The following ADAMTS2 variants were observed in gnomAD, a reference collection of about 807,000 sequenced individuals.
The protein encoded by ADAMTS2 is A disintegrin and metalloproteinase with thrombospondin motifs 2.
In ADAMTS2, 50 loss-of-function variants were observed where a neutral mutation model predicts 123.0. The observed-to-expected ratio is 0.41, with a 90% CI of 0.32 to 0.51. ADAMTS2 has a LOEUF of 0.51. Ranked by LOEUF, ADAMTS2 falls within the 20% of genes least tolerant of loss-of-function variation. The pLI is 0.35. For missense variants in ADAMTS2, 1,494 were observed against 1,705.2 expected (o/e 0.88, Z 2.18); for synonymous variants, 678 against 695.4 (o/e 0.98, Z 0.39).
In ADAMTS2 at chr5:179,155,720, A is replaced by C. The variant is rs1258882698; in HGVS notation, c.1133-801T>G. 6.6e-6 allele frequency among the ~76,000 whole-genome samples: 1 copy of C among 152,148 alleles called. No homozygotes were observed. Among genetic ancestry groups the C allele is most frequent in the African/African-American group, 2.4e-5 (1 of 41,428 alleles). On this transcript the variant is annotated intron_variant, in intron 6 of 21. Coordinates refer to ENST00000251582, the MANE Select transcript of ADAMTS2 (RefSeq NM_014244.5). The surrounding 1 kb of genome is among the most constrained non-coding windows in gnomAD (Gnocchi z 5.1). ...GCAGAGGGAGGCGGCTTGGAAAGAT[A>C]GGGAAGTGCCTACAGGGCTATGGGT...
intron 3 of ADAMTS2, among the ~76,000 whole-genome samples, chr5:179,209,922 G>A (rs534255121): frequency 1.3e-5 from 2 of 152,348 alleles, no homozygotes; most frequent in East Asian, 1.9e-4. Flanking sequence ...CAGGCCGGGC[G>A]TTACCCTCTG....
chr5:179,226,347 A>G (rs1581204486), intron 3 of ADAMTS2, among the ~76,000 whole-genome samples: 1 of 150,272 alleles, frequency 6.7e-6, no homozygotes, highest in Non-Finnish European at 1.5e-5. Context: ...GCTCACTGCA[A>G]CCACCGCCTC....
intron 2 of ADAMTS2, among the ~76,000 whole-genome samples, chr5:179,318,599 G>C (rs73808262): frequency 0.016 from 2,439 of 152,110 alleles, 54 homozygotes; most frequent in African/African-American, 0.056. Flanking sequence ...AATCTTGACA[G>C]TTAGAAGACG....
rs1404149713 is a variant in ADAMTS2 at position 179,158,932 on chromosome 5, G to C, written c.976-53C>G. The C allele has an allele frequency of 6.3e-7, 1 of 1,599,690 alleles. No individual in the cohort carries two copies. Among genetic ancestry groups the C allele is most frequent in the Non-Finnish European group, 8.5e-7 (1 of 1,172,994 alleles). On this transcript the variant is annotated intron_variant, in intron 5 of 21. Transcript: ENST00000251582. The surrounding 1 kb of genome is among the most constrained non-coding windows in gnomAD (Gnocchi z 5.0). ...AGAGAGGTTGGCGCCTGGTGGCCCAGTGGGGGGCCGAGCAGGCTGTAGTGT... is the reference window on the plus strand; with the variant it reads ...AGAGAGGTTGGCGCCTGGTGGCCCACTGGGGGGCCGAGCAGGCTGTAGTGT...
chr5:179,254,749 A>G (rs193137242), intron 3 of ADAMTS2, among the ~76,000 whole-genome samples: 42 of 152,362 alleles, frequency 2.8e-4, no homozygotes, highest in African/African-American at 9.1e-4. Context: ...GCACAGAAAT[A>G]TATTTTGGCT....
chr5:179,212,230 T>C (rs567360523), intron 3 of ADAMTS2, among the ~76,000 whole-genome samples: 11 of 144,300 alleles, frequency 7.6e-5, no homozygotes, highest in African/African-American at 2.8e-4. Context: ...GCAGGTGCAG[T>C]GGGCAGGCAC....
chr5:179,196,277 T>A (rs1293456509), intron 4 of ADAMTS2, among the ~76,000 whole-genome samples: 1 of 152,176 alleles, frequency 6.6e-6, no homozygotes, highest in Non-Finnish European at 1.5e-5. Context: ...TAGAACATAC[T>A]GTACAGAGAA....
At chr5:179,341,844 G>GC (rs1277934553) in intron 2 of ADAMTS2, among the ~76,000 whole-genome samples, 4 of 152,134 alleles carry the variant, frequency 2.6e-5, no homozygotes, top group South Asian at 2.1e-4. Context: ...ATTCTTCCCA[G>GC]CTCTGTCTGG....
chr5:179,141,996 G>A (rs1376542351), intron 10 of ADAMTS2, among the ~76,000 whole-genome samples: 1 of 152,108 alleles, frequency 6.6e-6, no homozygotes, highest in African/African-American at 2.4e-5. Context: ...TGAGCAGTCT[G>A]TAGGCCAGGA....
chr5:179,326,238 C>T (rs1235576898), intron 2 of ADAMTS2, among the ~76,000 whole-genome samples: 1 of 148,078 alleles, frequency 6.8e-6, no homozygotes, highest in African/African-American at 2.5e-5. Flanking sequence ...GTGTCCACCC[C>T]CAGCCGGGCA....
At chr5:179,246,175 C>G (rs1012140575) in intron 3 of ADAMTS2, among the ~76,000 whole-genome samples, 1 of 152,182 alleles carries the variant, frequency 6.6e-6, no homozygotes, top group South Asian at 2.1e-4. Context: ...AGACCACATT[C>G]CTGGTGTAGG....
In ADAMTS2 at chr5:179,180,745, G is replaced by A. The variant is rs1262652661; in HGVS notation, c.975+327C>T. ...TCGGTCCTTCCTGCAGAAACAACATGGACTCAGGCTGCTGTTTACCCAATT... is the reference window on the plus strand; with the variant it reads ...TCGGTCCTTCCTGCAGAAACAACATAGACTCAGGCTGCTGTTTACCCAATT... On this transcript the variant is annotated intron_variant, in intron 5 of 21. Coordinates refer to ENST00000251582, the MANE Select transcript of ADAMTS2 (RefSeq NM_014244.5). This position sits in a 1 kb window ranked among gnomAD's most constrained non-coding sequence, Gnocchi z 4.6. Among the ~76,000 whole-genome samples, 1 of 152,104 alleles carries A rather than the reference G, an allele frequency of 6.6e-6. No homozygotes were observed. Among genetic ancestry groups the A allele is most frequent in the Non-Finnish European group, 1.5e-5 (1 of 68,026 alleles).
At chr5:179,304,316 C>T (rs886371505) in intron 2 of ADAMTS2, among the ~76,000 whole-genome samples, 1 of 152,130 alleles carries the variant, frequency 6.6e-6, no homozygotes, top group Admixed American at 6.5e-5. Context: ...ACTTGGCATA[C>T]CAAGAACCAG....
At position 179,303,975 on chromosome 5, in the gene ADAMTS2, G is replaced by A. The variant is rs764030221; in HGVS notation, c.535-30911C>T. Among the ~76,000 whole-genome samples, 15 of 152,198 alleles carry A rather than the reference G, an allele frequency of 9.9e-5. No individual in the cohort carries two copies. Among genetic ancestry groups the A allele is most frequent in the African/African-American group, 2.7e-4 (11 of 41,448 alleles). On this transcript the variant is annotated intron_variant, in intron 2 of 21. Transcript: ENST00000251582. This position sits in a 1 kb window ranked among gnomAD's most constrained non-coding sequence, Gnocchi z 4.7. ...AAGTTGGTTAGAAACTCCTGGGCTCGTGCTTGAGCCGTGCACGAGTGGGTC... is the reference window on the plus strand; with the variant it reads ...AAGTTGGTTAGAAACTCCTGGGCTCATGCTTGAGCCGTGCACGAGTGGGTC...
intron 19 of ADAMTS2, among the ~76,000 whole-genome samples, chr5:179,124,375 C>T (rs1384108414): frequency 1.3e-5 from 2 of 152,130 alleles, no homozygotes; most frequent in Non-Finnish European, 2.9e-5. Context: ...ATTCTTCCTC[C>T]CAGCACAAGC....
At chr5:179,203,160 C>T (rs1764605363) in intron 4 of ADAMTS2, among the ~76,000 whole-genome samples, 1 of 152,242 alleles carries the variant, frequency 6.6e-6, no homozygotes, top group South Asian at 2.1e-4. Flanking sequence ...TCACCTCCTC[C>T]TCAGAGCCTG....
intron 4 of ADAMTS2, among the ~76,000 whole-genome samples, chr5:179,206,965 C>G (rs457957): frequency 1.3e-5 from 2 of 151,982 alleles, no homozygotes; most frequent in Non-Finnish European, 2.9e-5. Context: ...CCTCCCACTG[C>G]GAGCTTTAAG....
intron 6 of ADAMTS2, among the ~76,000 whole-genome samples, chr5:179,156,440 A>G (rs1014526711): frequency 5.4e-5 from 8 of 147,168 alleles, no homozygotes; most frequent in Admixed American, 2.0e-4. Context: ...GCTCACTGCA[A>G]CCTCCGCCTC....
chr5:179,164,216 G>A (rs543375138), intron 5 of ADAMTS2, among the ~76,000 whole-genome samples: 1 of 152,216 alleles, frequency 6.6e-6, no homozygotes, highest in African/African-American at 2.4e-5. Flanking sequence ...GCACAGAGGA[G>A]CCCAGGGGCA....
Sources: allele counts gnomAD v4.1 joint callset (sites outside exome capture counted in the v4.1 genomes callset), GRCh38; gene constraint gnomAD v4.1.1; non-coding constraint Gnocchi (gnomAD v3.1); transcripts MANE v1.5; gene names NCBI Gene and HGNC (gene_info 2026-07-23, HGNC 2026-07-21).